The following TMPRSS12 variants were observed in gnomAD, a reference collection of about 807,000 sequenced individuals.
The protein encoded by TMPRSS12 is transmembrane protease serine 12.
In TMPRSS12, 25 loss-of-function variants were observed where a neutral mutation model predicts 26.0. The observed-to-expected ratio is 0.96, with a 90% CI of 0.70 to 1.34. The LOEUF (loss-of-function observed/expected upper bound fraction) is 1.34. TMPRSS12 is among the 40% of genes most tolerant of loss of function. The probability of loss-of-function intolerance (pLI) is 0.00; values close to 1 mark genes in which losing one functional copy is unlikely to be tolerated. For synonymous variants in TMPRSS12, 150 were observed against 161.7 expected (o/e 0.93, Z 0.55); for missense variants, 441 against 440.1 (o/e 1.00, Z -0.02).
rs189190256 is a variant in TMPRSS12, at chr12:50,864,694, T to C, written c.652+5641T>C. On this transcript the variant is annotated intron_variant, in intron 3 of 4. Coordinates refer to ENST00000398458, the MANE Select transcript of TMPRSS12 (RefSeq NM_182559.3). ...GTTTTTTTGAGACGGAGTCTTGCTC[T>C]GTCACCCAGCTGGAGTGCAGTGGCG... 1.9e-3 allele frequency among the ~76,000 whole-genome samples: 291 copies of C among 152,312 alleles called. 1 individual carries two copies. The highest frequency in any genetic ancestry group is 6.5e-3 in the African/African-American group (272 of 41,570).
At chr12:50,878,693 A>C (rs1336499039) in intron 3 of TMPRSS12, among the ~76,000 whole-genome samples, 1 of 152,236 alleles carries the variant, frequency 6.6e-6, no homozygotes, top group Non-Finnish European at 1.5e-5. Flanking sequence ...TGCCAAGGCA[A>C]TATAATGGAA....
chr12:50,886,761 C>G (rs1425035971), intron 4 of TMPRSS12: 1 of 153,918 alleles, frequency 6.5e-6, no homozygotes, highest in Admixed American at 6.5e-5. Context: ...CCTGCACTAG[C>G]TATTGTCAAC....
intron 2 of TMPRSS12, among the ~76,000 whole-genome samples, chr12:50,857,263 TG>T (rs1181512396): frequency 1.3e-5 from 2 of 152,232 alleles, no homozygotes; most frequent in Non-Finnish European, 2.9e-5. Flanking sequence ...AAAATTTCTG[TG>T]GTAAATATTT....
intron 3 of TMPRSS12, among the ~76,000 whole-genome samples, chr12:50,884,890 A>T (rs1938210103): frequency 6.6e-6 from 1 of 151,034 alleles, no homozygotes; most frequent in Non-Finnish European, 1.5e-5. Context: ...AAAAAAAAAA[A>T]AAAATTAGCC....
At chr12:50,864,117 A>C (rs552842427) in intron 3 of TMPRSS12, among the ~76,000 whole-genome samples, 2 of 152,330 alleles carry the variant, frequency 1.3e-5, no homozygotes, top group African/African-American at 2.4e-5. Flanking sequence ...CAAAATATGT[A>C]ACTATAAATA....
intron 2 of TMPRSS12, among the ~76,000 whole-genome samples, chr12:50,850,749 G>A (rs1183334129): frequency 1.3e-5 from 2 of 152,166 alleles, no homozygotes; most frequent in Non-Finnish European, 2.9e-5. Context: ...ATGCACACAA[G>A]CATGAACCCT....
intron 1 of TMPRSS12, 139 bp downstream of exon 1, chr12:50,843,290 ACCG>A: frequency 1.3e-6 from 1 of 758,560 alleles, no homozygotes; most frequent in Non-Finnish European, 2.0e-6. Context: ...CAGTTTCTAG[ACCG>A]GCTGTAATAA....
intron 3 of TMPRSS12, among the ~76,000 whole-genome samples, chr12:50,866,324 T>C (rs1051474832): frequency 2.6e-5 from 4 of 152,060 alleles, no homozygotes; most frequent in Non-Finnish European, 5.9e-5. Flanking sequence ...GCCCTTTGGA[T>C]TGTGTGGGAG....
chr12:50,860,323 CAT>C (rs1284802494), intron 3 of TMPRSS12, among the ~76,000 whole-genome samples: 1 of 152,190 alleles, frequency 6.6e-6, no homozygotes, highest in Non-Finnish European at 1.5e-5. Context: ...GGAATAAAAA[CAT>C]AGACGACACA....
Position 50,887,341 on chromosome 12 carries a change from A to G in TMPRSS12, c.875A>G (p.His292Arg), listed in dbSNP as rs1938237184. Reference sequence around the variant, plus strand: ...GTAATGGGAATTACCAGTTACGGACATGGCTGTGGTCGAAGAGGTTTTCCT... The same window carrying G: ...GTAATGGGAATTACCAGTTACGGACGTGGCTGTGGTCGAAGAGGTTTTCCT... ...FFVMGITSYG[H>R]GCGRRGFPGV... is the part of the protein sequence containing the mutation. The change falls in exon 5 of 5, where the codon CAT becomes CGT. Residue 292 changes from histidine (H) to arginine (R), a missense_variant. Transcript: ENST00000398458. The G allele has an allele frequency of 6.2e-7, 1 of 1,613,816 alleles. No individual in the cohort carries two copies. The highest frequency in any genetic ancestry group is 1.1e-5 in the South Asian group (1 of 91,086).
chr12:50,845,636 A>C (rs1937760518), intron 2 of TMPRSS12, among the ~76,000 whole-genome samples: 2 of 152,124 alleles, frequency 1.3e-5, no homozygotes, highest in South Asian at 2.1e-4. Context: ...AGAGTTATCT[A>C]ATTTCTCCCA....
At chr12:50,865,064 G>T (rs1937978454) in intron 3 of TMPRSS12, among the ~76,000 whole-genome samples, 1 of 152,128 alleles carries the variant, frequency 6.6e-6, no homozygotes, top group Non-Finnish European at 1.5e-5. Flanking sequence ...GGGTGCGGTG[G>T]CCCATGCCTG....
chr12:50,882,753 T>C (rs1226723676), intron 3 of TMPRSS12, among the ~76,000 whole-genome samples: 2 of 32,964 alleles, frequency 6.1e-5, no homozygotes, highest in Non-Finnish European at 1.5e-4. Flanking sequence ...TCCTATAGAG[T>C]GTAAAGGAAT....
Position 50,886,914 on chromosome 12 carries a change from A to T in TMPRSS12, c.796-348A>T, listed in dbSNP as rs1565939121. ...GTATTCAGCAAGAGAATATTCTAATAATAGACAGTTTTGACAATATTTTGC... is the reference window on the plus strand; with the variant it reads ...GTATTCAGCAAGAGAATATTCTAATTATAGACAGTTTTGACAATATTTTGC... On this transcript the variant is annotated intron_variant, in intron 4 of 4. Coordinates refer to ENST00000398458, the MANE Select transcript of TMPRSS12 (RefSeq NM_182559.3). 3.0e-5 allele frequency: 6 copies of T among 200,334 alleles called. No individual in the cohort carries two copies. The South Asian group carries it at 5.5e-4, about 19-fold the overall frequency. 12.4% of individuals were successfully genotyped at this position (200,334 alleles called of 1,614,324 possible).
intron 3 of TMPRSS12, among the ~76,000 whole-genome samples, chr12:50,859,554 C>T (rs900736271): frequency 2.0e-5 from 3 of 152,094 alleles, no homozygotes; most frequent in African/African-American, 7.2e-5. Context: ...GACAGGGTTT[C>T]ACCATGTTGA....
rs1937907860 is a variant in TMPRSS12 at position 50,858,919 on chromosome 12, C to T, written c.518C>T (p.Ala173Val). ...FILESYVNDI[A>V]LFHLKKAVRY... ...TTGGAATCTTATGTAAATGATATTG[C>T]ACTTTTTCACTTAAAAAAAGCAGTG... Residue 173 changes from alanine to valine, a missense_variant, in exon 3 of 5, where the codon GCA becomes GTA. Ala to Val is a moderately conservative substitution (Grantham distance 64, BLOSUM62 0). Coordinates refer to ENST00000398458, the MANE Select transcript of TMPRSS12 (RefSeq NM_182559.3). 3 of 1,586,634 alleles carry T rather than the reference C, an allele frequency of 1.9e-6. No homozygotes were observed. Among genetic ancestry groups the T allele is most frequent in the Non-Finnish European group, 1.7e-6 (2 of 1,165,038 alleles).
intron 3 of TMPRSS12, among the ~76,000 whole-genome samples, chr12:50,872,725 T>C (rs1399328079): frequency 6.0e-4 from 60 of 100,382 alleles, no homozygotes; most frequent in African/African-American, 2.1e-3. Context: ...ATATATGACG[T>C]ATATATGTAC....
At chr12:50,863,457 AC>A (rs373593746) in intron 3 of TMPRSS12, among the ~76,000 whole-genome samples, 22 of 151,858 alleles carry the variant, frequency 1.4e-4, no homozygotes, top group Non-Finnish European at 2.1e-4. Context: ...ATGTCCACAC[AC>A]AAAAAAACTA....
intron 2 of TMPRSS12, among the ~76,000 whole-genome samples, chr12:50,846,494 G>A (rs1007863931): frequency 3.9e-5 from 6 of 152,056 alleles, no homozygotes; most frequent in African/African-American, 1.5e-4. Flanking sequence ...CTCCACTGAT[G>A]TATATATCTG....
Sources: allele counts gnomAD v4.1 joint callset (sites outside exome capture counted in the v4.1 genomes callset), GRCh38; gene constraint gnomAD v4.1.1; transcripts MANE v1.5; gene names NCBI Gene and HGNC (gene_info 2026-07-23, HGNC 2026-07-21).